Variants in NOVA1 observed in about 807,000 individuals in gnomAD.
NOVA1 encodes NOVA alternative splicing regulator 1.
NOVA1 carries 7 observed loss-of-function variants against 38.0 expected under a neutral mutation model. The observed-to-expected ratio is 0.18, with a 90% CI of 0.10 to 0.35. The LOEUF is 0.35. Among genes scored for constraint, NOVA1 ranks in the 10% least tolerant of loss-of-function variants. The pLI is 1.00. For synonymous variants in NOVA1, 270 were observed against 232.5 expected (o/e 1.16, Z -1.47); for missense variants, 460 against 616.0 (o/e 0.75, Z 2.68).
At chr14:26,467,009 G>A (rs182573568) in intron 4 of NOVA1, among the ~76,000 whole-genome samples, 16 of 152,202 alleles carry the variant, frequency 1.1e-4, no homozygotes, top group African/African-American at 3.9e-4. Flanking sequence ...GACCAAAATG[G>A]ACTAAGATAA....
intron 2 of NOVA1, among the ~76,000 whole-genome samples, chr14:26,497,230 A>G (rs1452404273): frequency 1.3e-5 from 2 of 152,106 alleles, no homozygotes; most frequent in East Asian, 3.9e-4. Flanking sequence ...CTAGGAATCC[A>G]CCTTACAAGG....
chr14:26,459,115 A>C (rs1883440741), intron 4 of NOVA1, among the ~76,000 whole-genome samples: 1 of 152,080 alleles, frequency 6.6e-6, no homozygotes, highest in South Asian at 2.1e-4. Flanking sequence ...CACCCAGAGC[A>C]ATTTCCAGCT....
rs576560848 is a variant in NOVA1 at position 26,597,125 on chromosome 14, G to A, written c.136+176C>T. On this transcript the variant is annotated intron_variant, in intron 1 of 4. Transcript: ENST00000539517. Reference sequence around the variant, plus strand: ...AAATGTGTCGGGGACACCTAGGCGCGGGGCAGGTGCAGGGGAGGGGGCGCG... The same window carrying A: ...AAATGTGTCGGGGACACCTAGGCGCAGGGCAGGTGCAGGGGAGGGGGCGCG... 3,075 of 1,230,182 alleles carry A rather than the reference G, an allele frequency of 2.5e-3. 6 individuals are homozygous for A. Among genetic ancestry groups the A allele is most frequent in the Non-Finnish European group, 2.9e-3 (2,817 of 987,742 alleles). The allele number at this position is 1,230,182 out of a possible 1,614,324, so 76.2% of individuals were successfully genotyped here.
At chr14:26,574,276 C>T (rs1247615580) in intron 2 of NOVA1, among the ~76,000 whole-genome samples, 1 of 99,428 alleles carries the variant, frequency 1.0e-5, no homozygotes, top group Non-Finnish European at 2.1e-5. Context: ...CACCCCCCCC[C>T]CCCCGCCCCC....
intron 2 of NOVA1, among the ~76,000 whole-genome samples, chr14:26,535,928 G>A (rs1046222515): frequency 1.3e-5 from 2 of 148,338 alleles, no homozygotes; most frequent in African/African-American, 5.0e-5. Context: ...GCAGTGAGCC[G>A]AGATCACTCC....
chr14:26,499,238 T>A (rs1481583534), intron 2 of NOVA1, among the ~76,000 whole-genome samples: 1 of 152,198 alleles, frequency 6.6e-6, no homozygotes, highest in Non-Finnish European at 1.5e-5. Context: ...TCTATTATAG[T>A]AACCATTTCA....
At chr14:26,508,115 C>T (rs1887781183) in intron 2 of NOVA1, among the ~76,000 whole-genome samples, 1 of 152,010 alleles carries the variant, frequency 6.6e-6, no homozygotes, top group Non-Finnish European at 1.5e-5. Context: ...GTTCATACTA[C>T]TTTCATTACT....
intron 4 of NOVA1, among the ~76,000 whole-genome samples, chr14:26,467,883 T>A (rs895042511): frequency 6.6e-6 from 1 of 152,074 alleles, no homozygotes; most frequent in African/African-American, 2.4e-5. Flanking sequence ...CGGGAGAGAA[T>A]AAGAAGCAAG....
At chr14:26,460,587 T>C (rs1406286830) in intron 4 of NOVA1, among the ~76,000 whole-genome samples, 1 of 152,072 alleles carries the variant, frequency 6.6e-6, no homozygotes, top group Admixed American at 6.6e-5. Context: ...ATGAATTATA[T>C]GGCATTAGGT....
chr14:26,594,231 A>G (rs1244230507), intron 2 of NOVA1: 2 of 151,996 alleles, frequency 1.3e-5, no homozygotes, highest in Non-Finnish European at 2.9e-5. Flanking sequence ...AAAAAATACT[A>G]CATTTAATTT....
At chr14:26,450,050 C>A (rs1882517189) in intron 4 of NOVA1, among the ~76,000 whole-genome samples, 1 of 151,994 alleles carries the variant, frequency 6.6e-6, no homozygotes, top group South Asian at 2.1e-4. Flanking sequence ...TTATGTCTCA[C>A]TGGGTAGGTC....
intron 2 of NOVA1, among the ~76,000 whole-genome samples, chr14:26,550,657 T>C (rs1028517197): frequency 2.0e-5 from 3 of 152,156 alleles, no homozygotes; most frequent in Non-Finnish European, 4.4e-5. Flanking sequence ...TCTCATCTCC[T>C]AGCTCTAGGC....
chr14:26,515,274 T>C (rs1273313143), intron 2 of NOVA1, among the ~76,000 whole-genome samples: 1 of 151,904 alleles, frequency 6.6e-6, no homozygotes, highest in Non-Finnish European at 1.5e-5. Context: ...AATTGTGCAA[T>C]ATGATTGCTC....
chr14:26,474,767 G>C (rs178215), intron 3 of NOVA1, among the ~76,000 whole-genome samples: 92,270 of 151,596 alleles, frequency 0.61, 31,568 homozygotes, highest in Non-Finnish European at 0.75. Context: ...AGTTGTAAGA[G>C]TGTTGAAATG....
chr14:26,547,913 C>T (rs1890895843), intron 2 of NOVA1, among the ~76,000 whole-genome samples: 1 of 151,940 alleles, frequency 6.6e-6, no homozygotes, highest in Admixed American at 6.6e-5. Context: ...GAGGGTAAGC[C>T]TCATTACAAT....
intron 2 of NOVA1, 41 bp from the exon 3 acceptor site, chr14:26,480,184 T>C (rs1304363917): frequency 6.5e-7 from 1 of 1,542,098 alleles, no homozygotes; most frequent in Admixed American, 2.0e-5. Flanking sequence ...ATTCCACACT[T>C]TGCATTAAAA....
chr14:26,515,347 T>A (rs1566495148), intron 2 of NOVA1, among the ~76,000 whole-genome samples: 1 of 152,022 alleles, frequency 6.6e-6, no homozygotes, highest in Non-Finnish European at 1.5e-5. Context: ...AAATGGGTTC[T>A]ATACAGGAAA....
At chr14:26,534,360 A>G (rs969637615) in intron 2 of NOVA1, among the ~76,000 whole-genome samples, 2 of 152,158 alleles carry the variant, frequency 1.3e-5, no homozygotes, top group Admixed American at 1.3e-4. Context: ...GAAACAAATT[A>G]CTTCTCTATG....
chr14:26,476,209 G>T (rs1196911665), intron 3 of NOVA1, among the ~76,000 whole-genome samples: 1 of 152,112 alleles, frequency 6.6e-6, no homozygotes, highest in East Asian at 1.9e-4. Context: ...TCCAGCATCT[G>T]AACTAGTCAA....
Sources: gnomAD v4.1 joint callset for allele counts (sites outside exome capture counted in the v4.1 genomes callset) on GRCh38, gnomAD v4.1.1 for gene constraint, MANE v1.5 for transcripts, NCBI Gene and HGNC (gene_info 2026-07-23, HGNC 2026-07-21) for gene names.